Variants in ACTR3 observed in about 807,000 individuals in gnomAD.
The protein encoded by ACTR3 is actin related protein 3, also known as actin-related protein 3.
A neutral mutation model predicts 56.8 loss-of-function variants in ACTR3; 12 were observed. The ratio of observed to expected loss-of-function variants is 0.21; its 90% CI spans 0.14 to 0.34. The LOEUF (loss-of-function observed/expected upper bound fraction) is 0.34, where lower values mean the gene tolerates loss of function less well. Among genes scored for constraint, ACTR3 ranks in the 10% least tolerant of loss-of-function variants. The pLI is 1.00. For synonymous variants in ACTR3, 162 were observed against 167.4 expected, an observed-to-expected ratio of 0.97 and a Z score of 0.25; for missense variants, 282 against 512.5, an observed-to-expected ratio of 0.55 and a Z score of 4.34.
chr2:113,960,226 CA>C lies in ACTR3; in HGVS notation c.*2774del, dbSNP rs1680301373. ...TGATGCCTGCTTTTCAAAAAGTGAG[CA>C]AATTTCACATCTTCACCCTTAGACA... On this transcript the variant is annotated 3_prime_UTR_variant, in exon 12 of 12. Coordinates refer to ENST00000263238, the MANE Select transcript of ACTR3 (RefSeq NM_005721.5). The C allele has an allele frequency of 6.6e-6, 1 of 151,896 alleles. No homozygotes were observed. The highest frequency in any genetic ancestry group is 2.1e-4 in the South Asian group (1 of 4,820). The allele number at this position is 151,896 out of a possible 1,614,324, so 9.4% of individuals were successfully genotyped here.
intron 1 of ACTR3, 157 bp downstream of exon 1, chr2:113,890,480 G>A (rs1678865723): frequency 2.3e-6 from 3 of 1,289,380 alleles, no homozygotes; most frequent in Non-Finnish European, 3.1e-6. Context: ...CCGCAGCCAG[G>A]GCCTCGCGGG....
intron 10 of ACTR3, chr2:113,955,222 A>T (rs1193635031): frequency 6.5e-6 from 1 of 153,534 alleles, no homozygotes; most frequent in Admixed American, 6.5e-5. Context: ...TGCTTGTGTT[A>T]GTCCCTTTCC....
At chr2:113,925,698 A>G (rs1679607430) in intron 3 of ACTR3, among the ~76,000 whole-genome samples, 1 of 152,246 alleles carries the variant, frequency 6.6e-6, no homozygotes, top group African/African-American at 2.4e-5. Flanking sequence ...TAAAAATTGA[A>G]TGATAAAGTA....
chr2:113,919,398 T>G (rs773902217), intron 3 of ACTR3, among the ~76,000 whole-genome samples: 2 of 152,332 alleles, frequency 1.3e-5, no homozygotes, highest in African/African-American at 2.4e-5. Context: ...TTCTTGCCAT[T>G]TATTTATGGA....
chr2:113,929,687 C>A (rs1559477041), intron 4 of ACTR3, among the ~76,000 whole-genome samples: 1 of 150,924 alleles, frequency 6.6e-6, no homozygotes, highest in Admixed American at 6.6e-5. Context: ...ATCTTTTATA[C>A]TTTTTTTTTG....
At chr2:113,913,140 G>C in intron 1 of ACTR3, 32 bp from the exon 2 acceptor site, 1 of 1,397,534 alleles carries the variant, frequency 7.2e-7, no homozygotes, top group Admixed American at 2.1e-5. Context: ...TAAAATATTA[G>C]TGAAATCTTT....
intron 1 of ACTR3, among the ~76,000 whole-genome samples, chr2:113,907,800 C>G (rs948280857): frequency 1.3e-5 from 2 of 151,756 alleles, no homozygotes; most frequent in Admixed American, 1.3e-4. Flanking sequence ...TGGAGAAACC[C>G]TGTCTCTACT....
chr2:113,951,970 A>G (rs538369102), intron 10 of ACTR3, 125 bp downstream of exon 10: 4 of 1,216,042 alleles, frequency 3.3e-6, no homozygotes, highest in African/African-American at 3.1e-5. Context: ...TCTAATGGAA[A>G]TGGTTAATGT....
chr2:113,931,661 A>G (rs1679725829), intron 5 of ACTR3, among the ~76,000 whole-genome samples: 1 of 152,122 alleles, frequency 6.6e-6, no homozygotes. Flanking sequence ...GAAGGAACTA[A>G]TATTTATGGA....
In ACTR3 at chr2:113,939,929, TA is replaced by T. The variant is rs553405151; in HGVS notation, c.541-27del. On this transcript the variant is annotated intron_variant, in intron 6 of 11. Coordinates refer to ENST00000263238, the MANE Select transcript of ACTR3 (RefSeq NM_005721.5). ...ATATTAATTTTCAAAACATTGAAAG[TA>T]AATTTGGTATCTTTTTTCCCCTCTC... 1.6e-4 allele frequency: 253 copies of T among 1,555,808 alleles called. 1 individual carries two copies. In the Admixed American group the frequency reaches 2.2e-3, roughly 14 times the overall value.
intron 10 of ACTR3, chr2:113,953,031 T>C (rs1186675196): frequency 6.6e-6 from 1 of 152,232 alleles, no homozygotes; most frequent in Admixed American, 6.5e-5. Context: ...TCTGGTTTTT[T>C]TGTTAGAATA....
At chr2:113,919,282 C>T (rs2104598471) in intron 3 of ACTR3, among the ~76,000 whole-genome samples, 2 of 152,220 alleles carry the variant, frequency 1.3e-5, no homozygotes, top group Middle Eastern at 3.4e-3. Flanking sequence ...CTGTTTGAAT[C>T]AACATTAAAA....
At chr2:113,911,819 C>T (rs1183249171) in intron 1 of ACTR3, among the ~76,000 whole-genome samples, 2 of 151,268 alleles carry the variant, frequency 1.3e-5, no homozygotes, top group Non-Finnish European at 3.0e-5. Flanking sequence ...TCACTGCAAC[C>T]TCCGCCTCCT....
intron 1 of ACTR3, among the ~76,000 whole-genome samples, chr2:113,900,921 G>A (rs1297823693): frequency 1.3e-5 from 2 of 152,206 alleles, no homozygotes; most frequent in Non-Finnish European, 2.9e-5. Context: ...AAATGTTGGA[G>A]GGAATTGGAA....
chr2:113,919,062 A>G (rs533138768), intron 3 of ACTR3, among the ~76,000 whole-genome samples: 5 of 152,310 alleles, frequency 3.3e-5, no homozygotes, highest in Admixed American at 2.0e-4. Context: ...TCTATGGACA[A>G]TCTCATTTTG....
intron 3 of ACTR3, among the ~76,000 whole-genome samples, chr2:113,920,933 G>A (rs1249111488): frequency 6.6e-6 from 1 of 152,144 alleles, no homozygotes; most frequent in African/African-American, 2.4e-5. Flanking sequence ...ATAAACATGA[G>A]GGTGCAGGTA....
In ACTR3 at chr2:113,951,729, C is replaced by G. The variant is rs1282116517; in HGVS notation, c.961C>G (p.Leu321Val). 2 of 1,607,068 alleles carry G rather than the reference C, an allele frequency of 1.2e-6. No homozygotes were observed. Among genetic ancestry groups the G allele is most frequent in the Non-Finnish European group, 1.7e-6 (2 of 1,175,662 alleles). ...ATTTTCTCTCCACTAGAATATTGTC[C>G]TCTCTGGAGGTTCAACCATGTTCAG... ...VRRPLYKNIV[L>V]SGGSTMFRDF... The change falls in exon 10 of 12, where the codon CTC becomes GTC. Residue 321 changes from leucine (L) to valine (V), a missense_variant. Leu to Val is a conservative substitution (Grantham distance 32). Transcript: ENST00000263238.
At chr2:113,894,132 C>G (rs1034826672) in intron 1 of ACTR3, among the ~76,000 whole-genome samples, 3 of 151,814 alleles carry the variant, frequency 2.0e-5, no homozygotes, top group Admixed American at 1.3e-4. Context: ...TCTCATCGCC[C>G]AGGCTGGAGT....
At chr2:113,944,635 G>A (rs11899895) in intron 8 of ACTR3, among the ~76,000 whole-genome samples, 17,358 of 147,514 alleles carry the variant, frequency 0.12, 1,624 homozygotes, top group African/African-American at 0.26. Flanking sequence ...GGTGGTGGGC[G>A]CCTGTAGTCC....
Sources: allele counts gnomAD v4.1 joint callset (sites outside exome capture counted in the v4.1 genomes callset), GRCh38; gene constraint gnomAD v4.1.1; transcripts MANE v1.5; gene names NCBI Gene and HGNC (gene_info 2026-07-23, HGNC 2026-07-21).